Variants in DLG2 observed in about 807,000 individuals in gnomAD.
DLG2 encodes the protein discs large MAGUK scaffold protein 2, also known as disks large homolog 2.
DLG2 carries 45 observed loss-of-function variants against 132.5 expected under a neutral mutation model. The ratio of observed to expected loss-of-function variants is 0.34; its 90% confidence interval spans 0.27 to 0.44. The LOEUF is 0.44. DLG2 is among the 20% of genes least tolerant of loss of function. The pLI, the probability that DLG2 is intolerant of heterozygous loss-of-function variation, is 1.00. For synonymous variants in DLG2, 424 were observed against 419.6 expected, an observed-to-expected ratio of 1.01 and a Z score of -0.13; for missense variants, 1,045 against 1,196.9, an observed-to-expected ratio of 0.87 and a Z score of 1.87.
chr11:85,484,178 C>T (rs1199159971), intron 3 of DLG2, among the ~76,000 whole-genome samples: 1 of 140,524 alleles, frequency 7.1e-6, no homozygotes, highest in South Asian at 2.3e-4. Flanking sequence ...AGGATTCAAC[C>T]CGGTGGCGGA....
intron 3 of DLG2, among the ~76,000 whole-genome samples, chr11:85,586,640 T>G (rs763516881): frequency 5.9e-5 from 9 of 152,348 alleles, no homozygotes; most frequent in Non-Finnish European, 1.3e-4. Flanking sequence ...TTGTTTATCT[T>G]TCAAATAACC....
At chr11:83,857,906 C>G (rs1227321372) in intron 16 of DLG2, among the ~76,000 whole-genome samples, 1 of 151,730 alleles carries the variant, frequency 6.6e-6, no homozygotes, top group African/African-American at 2.4e-5. Flanking sequence ...CTCTTTGCTC[C>G]TATGTCCTAA....
intron 3 of DLG2, among the ~76,000 whole-genome samples, chr11:85,419,421 G>A (rs2090120697): frequency 6.6e-6 from 1 of 152,142 alleles, no homozygotes; most frequent in African/African-American, 2.4e-5. Context: ...CTCTTCTTGA[G>A]GAGTATCTTT....
chr11:85,501,802 T>C (rs2093810734), intron 3 of DLG2, among the ~76,000 whole-genome samples: 1 of 152,096 alleles, frequency 6.6e-6, no homozygotes, highest in Non-Finnish European at 1.5e-5. Flanking sequence ...AAATAGGAAC[T>C]CTTTTACATT....
intron 3 of DLG2, among the ~76,000 whole-genome samples, chr11:85,347,088 A>G (rs2082899051): frequency 6.6e-6 from 1 of 152,136 alleles, no homozygotes; most frequent in African/African-American, 2.4e-5. Flanking sequence ...AGTCAAAGAA[A>G]CAATATAGAT....
intron 4 of DLG2, among the ~76,000 whole-genome samples, chr11:85,241,450 C>A (rs1368914624): frequency 6.6e-6 from 1 of 151,820 alleles, no homozygotes; most frequent in Non-Finnish European, 1.5e-5. Context: ...AGATTGTTAT[C>A]ATTTCTGTCT....
At chr11:85,262,026 A>G (rs1019328854) in intron 4 of DLG2, among the ~76,000 whole-genome samples, 1 of 152,164 alleles carries the variant, frequency 6.6e-6, no homozygotes, top group Non-Finnish European at 1.5e-5. Context: ...AGGCTAGAGA[A>G]TTTGGCGAGG....
intron 8 of DLG2, among the ~76,000 whole-genome samples, chr11:84,169,146 G>T (rs1031227074): frequency 2.0e-5 from 3 of 151,968 alleles, no homozygotes; most frequent in African/African-American, 4.8e-5. Context: ...GTTCTTCCTC[G>T]TATGGTTATT....
chr11:84,409,101 T>C (rs1483128106), intron 7 of DLG2, among the ~76,000 whole-genome samples: 3 of 152,244 alleles, frequency 2.0e-5, no homozygotes, highest in Non-Finnish European at 1.5e-5. Context: ...CATTATGTTC[T>C]AGCAATATTG....
At chr11:84,221,857 T>C (rs996335641) in intron 8 of DLG2, among the ~76,000 whole-genome samples, 2 of 152,088 alleles carry the variant, frequency 1.3e-5, no homozygotes, top group Non-Finnish European at 2.9e-5. Flanking sequence ...GGCCCTCAGA[T>C]AACATTAAAA....
chr11:84,511,923 A>T (rs150714426), intron 7 of DLG2, among the ~76,000 whole-genome samples: 63 of 152,272 alleles, frequency 4.1e-4, no homozygotes, highest in African/African-American at 1.5e-3. Flanking sequence ...ATTAATCCTC[A>T]CAACAACCCT....
intron 7 of DLG2, among the ~76,000 whole-genome samples, chr11:84,292,249 G>A (rs909330685): frequency 2.0e-5 from 3 of 152,108 alleles, no homozygotes; most frequent in Non-Finnish European, 4.4e-5. Context: ...CGACATATGT[G>A]GTAAGTTATT....
intron 7 of DLG2, among the ~76,000 whole-genome samples, chr11:84,298,627 G>A (rs2098119442): frequency 6.6e-6 from 1 of 152,224 alleles, no homozygotes; most frequent in Non-Finnish European, 1.5e-5. Context: ...AGACCTGTAA[G>A]TAACTACAAT....
chr11:83,881,685 G>A (rs2066305225), intron 15 of DLG2, among the ~76,000 whole-genome samples: 1 of 152,122 alleles, frequency 6.6e-6, no homozygotes, highest in Non-Finnish European at 1.5e-5. Flanking sequence ...CTCTGTCAGT[G>A]ACAGGCAGAC....
chr11:84,638,051 T>C (rs1211563896), intron 6 of DLG2, among the ~76,000 whole-genome samples: 1 of 152,252 alleles, frequency 6.6e-6, no homozygotes, highest in Non-Finnish European at 1.5e-5. Context: ...GTTTGCTTGT[T>C]TGGCTGATTT....
At chr11:85,543,018 G>C (rs966919221) in intron 3 of DLG2, among the ~76,000 whole-genome samples, 2 of 151,816 alleles carry the variant, frequency 1.3e-5, no homozygotes, top group Non-Finnish European at 2.9e-5. Flanking sequence ...TTTAAGTTCC[G>C]GGATACATGT....
At chr11:84,252,240 C>T (rs970702230) in intron 7 of DLG2, among the ~76,000 whole-genome samples, 1 of 144,772 alleles carries the variant, frequency 6.9e-6, no homozygotes, top group Non-Finnish European at 1.5e-5. Context: ...CAACCTCTGC[C>T]TCCCCAGTTC....
intron 19 of DLG2, among the ~76,000 whole-genome samples, chr11:83,594,474 G>A (rs1003496108): frequency 1.3e-5 from 2 of 152,170 alleles, no homozygotes; most frequent in African/African-American, 2.4e-5. Flanking sequence ...AGACATTTCA[G>A]ATGCATGATC....
chr11:85,257,174 A>G (rs557728939), intron 4 of DLG2, among the ~76,000 whole-genome samples: 8 of 152,352 alleles, frequency 5.3e-5, no homozygotes, highest in Non-Finnish European at 1.0e-4. Flanking sequence ...CCACCTAGAC[A>G]CATTTACTTA....
Sources: gnomAD v4.1 joint callset for allele counts (sites outside exome capture counted in the v4.1 genomes callset) on GRCh38, gnomAD v4.1.1 for gene constraint, MANE v1.5 for transcripts, NCBI Gene and HGNC (gene_info 2026-07-23, HGNC 2026-07-21) for gene names.